CERS6: variants seen among roughly 807,000 people sequenced by gnomAD.
CERS6 encodes LAG1 homolog, ceramide synthase 6.
In CERS6, 26 loss-of-function variants were observed where a neutral mutation model predicts 56.8. That is an observed-to-expected ratio of 0.46 (90% CI 0.34 to 0.63). The LOEUF (loss-of-function observed/expected upper bound fraction) is 0.63. Among genes scored for constraint, CERS6 ranks in the 30% least tolerant of loss-of-function variants. The pLI is 0.01. For missense variants in CERS6, 415 were observed against 467.5 expected (o/e 0.89, Z 1.04); for synonymous variants, 164 against 173.3 (o/e 0.95, Z 0.42).
chr2:168,468,970 T>C (rs368404481), intron 1 of CERS6, among the ~76,000 whole-genome samples: 1 of 152,272 alleles, frequency 6.6e-6, no homozygotes, highest in Non-Finnish European at 1.5e-5. Flanking sequence ...CTCCCAGAAA[T>C]AGGACAGCCT....
In CERS6 at chr2:168,773,776, G is replaced by A. The variant is rs1352897543; in HGVS notation, c.*4114G>A. On this transcript the variant is annotated 3_prime_UTR_variant, in exon 10 of 10. Transcript: ENST00000305747. ...TTGTCAAAGTACCCCGTAGTGATGA[G>A]CACTGACTGGTTCACTGGCCACATT... 6.6e-6 allele frequency: 1 copy of A among 152,224 alleles called. No homozygotes were observed. Among genetic ancestry groups the A allele is most frequent in the Non-Finnish European group, 1.5e-5 (1 of 68,054 alleles). The allele number at this position is 152,224 out of a possible 1,614,324, so 9.4% of individuals were successfully genotyped here.
At chr2:168,611,606 C>T (rs1360817736) in intron 3 of CERS6, among the ~76,000 whole-genome samples, 1 of 152,196 alleles carries the variant, frequency 6.6e-6, no homozygotes, top group Non-Finnish European at 1.5e-5. Context: ...CACCACATTG[C>T]CATGGAAATT....
At chr2:168,767,410 G>T (rs1282748210) in intron 9 of CERS6, among the ~76,000 whole-genome samples, 1 of 152,158 alleles carries the variant, frequency 6.6e-6, no homozygotes, top group Non-Finnish European at 1.5e-5. Flanking sequence ...TGTAAAACTG[G>T]AGTTTTCTAT....
rs1210725339 is a variant in CERS6, at chr2:168,771,023, G to T, written c.*1361G>T. The T allele has an allele frequency of 6.6e-6, 1 of 152,132 alleles. No homozygotes were observed. Among genetic ancestry groups the T allele is most frequent in the Non-Finnish European group, 1.5e-5 (1 of 68,018 alleles). 9.4% of individuals were successfully genotyped at this position (152,132 alleles called of 1,614,324 possible). ...ATAAGAAAACCATATGTCAGCCAAA[G>T]ATTTTATCTCTTCTTCTAACTTTTA... On this transcript the variant is annotated 3_prime_UTR_variant, in exon 10 of 10. Coordinates refer to ENST00000305747, the MANE Select transcript of CERS6 (RefSeq NM_203463.3).
intron 8 of CERS6, among the ~76,000 whole-genome samples, chr2:168,748,831 TGGGG>T (rs72341847): frequency 2.2e-5 from 2 of 89,426 alleles, no homozygotes; most frequent in Admixed American, 2.6e-4. Context: ...TGGTTGGGGG[TGGGG>T]GGGGGGCAGG....
intron 8 of CERS6, among the ~76,000 whole-genome samples, chr2:168,765,354 TA>T (rs1247939428): frequency 6.6e-6 from 1 of 152,238 alleles, no homozygotes; most frequent in Non-Finnish European, 1.5e-5. Context: ...TTATCATTTT[TA>T]AAGAAGTGAA....
chr2:168,505,569 C>T (rs894162476), intron 1 of CERS6, among the ~76,000 whole-genome samples: 7 of 151,960 alleles, frequency 4.6e-5, no homozygotes, highest in African/African-American at 7.3e-5. Context: ...TGACCCTGAC[C>T]GTTTATATGG....
intron 4 of CERS6, among the ~76,000 whole-genome samples, chr2:168,672,647 T>C (rs913040283): frequency 6.6e-6 from 1 of 152,176 alleles, no homozygotes; most frequent in Non-Finnish European, 1.5e-5. Flanking sequence ...ATCATCCTAG[T>C]TTCATTAATC....
At chr2:168,568,031 A>G (rs1297001943) in intron 3 of CERS6, among the ~76,000 whole-genome samples, 2 of 152,322 alleles carry the variant, frequency 1.3e-5, no homozygotes, top group Middle Eastern at 3.4e-3. Flanking sequence ...CAGGTTTTCC[A>G]TTTAGAACAA....
intron 1 of CERS6, among the ~76,000 whole-genome samples, chr2:168,545,914 C>T (rs988004454): frequency 4.0e-5 from 6 of 150,044 alleles, no homozygotes; most frequent in Admixed American, 1.3e-4. Context: ...TGAGGGAGGG[C>T]GGGGAGGAGT....
chr2:168,488,449 A>G (rs77220095), intron 1 of CERS6, among the ~76,000 whole-genome samples: 6,673 of 152,088 alleles, frequency 0.044, 281 homozygotes, highest in African/African-American at 0.11. Context: ...TCTGTGTAGG[A>G]CTTGTATTTA....
Position 168,486,518 on chromosome 2 carries a change from G to GTTTTTTT in CERS6, c.170+29900_170+29901insTTTTTTT, listed in dbSNP as rs1491580943. Among the ~76,000 whole-genome samples, 62 of 136,288 alleles carry GTTTTTTT rather than the reference G, an allele frequency of 4.5e-4. 4 individuals are homozygous for GTTTTTTT. The East Asian group carries it at 0.01, about 23-fold the overall frequency. 89.4% of individuals were successfully genotyped at this position (136,288 alleles called of 152,430 possible). The stretch of plus-strand genomic sequence containing the variant: ...ATTTTTGTTAAAGGTGTCTAGATTT[G>GTTTTTTT]GTTTTGTTTTTTTTTTTTTTGCCTA... On this transcript the variant is annotated intron_variant, in intron 1 of 9. Coordinates refer to ENST00000305747, the MANE Select transcript of CERS6 (RefSeq NM_203463.3).
intron 1 of CERS6, among the ~76,000 whole-genome samples, chr2:168,510,313 C>G (rs1316688858): frequency 6.6e-6 from 1 of 152,214 alleles, no homozygotes; most frequent in Non-Finnish European, 1.5e-5. Flanking sequence ...GTCCTGCAAG[C>G]TCCATTCATG....
intron 3 of CERS6, chr2:168,583,007 GA>G (rs1476210596): frequency 1.3e-5 from 2 of 153,772 alleles, no homozygotes; most frequent in Non-Finnish European, 2.9e-5. Flanking sequence ...ACATGTGCCA[GA>G]AAACAACATA....
At chr2:168,535,677 T>TTG (rs1484648990) in intron 1 of CERS6, among the ~76,000 whole-genome samples, 1 of 150,628 alleles carries the variant, frequency 6.6e-6, no homozygotes, top group Admixed American at 6.6e-5. Context: ...CAGTTTTTTT[T>TTG]TTTTTTTTTT....
chr2:168,610,876 C>T (rs1211296780), intron 3 of CERS6, among the ~76,000 whole-genome samples: 4 of 152,110 alleles, frequency 2.6e-5, no homozygotes, highest in South Asian at 2.1e-4. Flanking sequence ...GGTGCAATCT[C>T]GGCTCACTGC....
At chr2:168,723,007 G>C (rs1255276754) in intron 8 of CERS6, among the ~76,000 whole-genome samples, 1 of 152,170 alleles carries the variant, frequency 6.6e-6, no homozygotes, top group Admixed American at 6.5e-5. Flanking sequence ...CTGTGCTGCT[G>C]TTGGCCCTGC....
chr2:168,588,307 G>A (rs781080359), intron 3 of CERS6, among the ~76,000 whole-genome samples: 2 of 151,970 alleles, frequency 1.3e-5, no homozygotes, highest in South Asian at 2.1e-4. Flanking sequence ...TGGCTTCTGC[G>A]TACATTCACT....
At chr2:168,525,959 A>G (rs976077384) in intron 1 of CERS6, among the ~76,000 whole-genome samples, 2 of 152,168 alleles carry the variant, frequency 1.3e-5, no homozygotes, top group Admixed American at 1.3e-4. Context: ...GTTATTTCTC[A>G]TAAATGCTCC....
Sources: allele counts gnomAD v4.1 joint callset (sites outside exome capture counted in the v4.1 genomes callset), GRCh38; gene constraint gnomAD v4.1.1; transcripts MANE v1.5; gene names NCBI Gene and HGNC (gene_info 2026-07-23, HGNC 2026-07-21).